Variants in STAB2 observed in about 807,000 individuals in gnomAD.
The protein encoded by STAB2 is stabilin 2, also known as stabilin-2.
Under a neutral mutation model 338.1 loss-of-function variants are expected in STAB2, and 288 were observed. That is an observed-to-expected ratio of 0.85 (90% confidence interval 0.77 to 0.94). The LOEUF is 0.94. Ranked by LOEUF, STAB2 falls within the 40% of genes least tolerant of loss-of-function variation. The pLI, the probability that STAB2 is intolerant of heterozygous loss-of-function variation, is 0.00. For missense variants in STAB2, 3,141 were observed against 3,210.1 expected, an observed-to-expected ratio of 0.98 and a Z score of 0.52; for synonymous variants, 1,202 against 1,193.3, an observed-to-expected ratio of 1.01 and a Z score of -0.15.
intron 3 of STAB2, among the ~76,000 whole-genome samples, chr12:103,612,169 T>C (rs1190481524): frequency 1.3e-5 from 2 of 152,194 alleles, no homozygotes; most frequent in Non-Finnish European, 2.9e-5. Flanking sequence ...TGTCTTGGAG[T>C]TGCTCTTCTT....
chr12:103,617,707 T>C lies in STAB2; in HGVS notation c.332-2761T>C, dbSNP rs536021541. On this transcript the variant is annotated intron_variant, in intron 3 of 68. Transcript: ENST00000388887. ...TTTTCGAATACTTATGAATATTAGCTACCCATCAGTATTTCTCCCCCTTCC... is the reference window on the plus strand; with the variant it reads ...TTTTCGAATACTTATGAATATTAGCCACCCATCAGTATTTCTCCCCCTTCC... Among the ~76,000 whole-genome samples the C allele has an allele frequency of 2.6e-5, 4 of 152,336 alleles. No individual in the cohort carries two copies. The South Asian group carries it at 8.3e-4, about 32-fold the overall frequency.
At chr12:103,653,567 G>A (rs1303355929) in intron 12 of STAB2, among the ~76,000 whole-genome samples, 1 of 151,278 alleles carries the variant, frequency 6.6e-6, no homozygotes, top group Non-Finnish European at 1.5e-5. Context: ...TACATGGATA[G>A]GTCACTGGAT....
In STAB2 at chr12:103,653,501, G is replaced by T. The variant is rs112118821; in HGVS notation, c.1407+796G>T. On this transcript the variant is annotated intron_variant, in intron 12 of 68. Transcript: ENST00000388887. ...CAAAGTCCACATTCTTAACCAATCT[G>T]CTGCAGTGCATGTGTGAAGATGGAT... Among the ~76,000 whole-genome samples, 982 of 152,304 alleles carry T rather than the reference G, an allele frequency of 6.4e-3. 7 individuals are homozygous for T. Among genetic ancestry groups the T allele is most frequent in the African/African-American group, 0.022 (928 of 41,546 alleles).
Position 103,587,407 on chromosome 12 carries a change from T to C in STAB2, c.-70T>C. ...TGAGAAAGAATTCACTGGGAGTTTATCAAACTAAGTTAAAATAGCTAAGTC... is the reference window on the plus strand; with the variant it reads ...TGAGAAAGAATTCACTGGGAGTTTACCAAACTAAGTTAAAATAGCTAAGTC... On this transcript the variant is annotated 5_prime_UTR_variant, in exon 1 of 69. Transcript: ENST00000388887. 7.9e-7 allele frequency: 1 copy of C among 1,261,036 alleles called. No individual in the cohort carries two copies. Among genetic ancestry groups the C allele is most frequent in the Non-Finnish European group, 1.1e-6 (1 of 880,870 alleles). The allele number at this position is 1,261,036 out of a possible 1,614,324, so 78.1% of individuals were successfully genotyped here.
intron 34 of STAB2, among the ~76,000 whole-genome samples, chr12:103,701,324 A>G (rs973307108): frequency 1.3e-5 from 2 of 152,120 alleles, no homozygotes; most frequent in African/African-American, 4.8e-5. Context: ...ACGTGTGCAT[A>G]TGTCTTTAGA....
chr12:103,764,890 G>A (rs1884809257), intron 68 of STAB2, among the ~76,000 whole-genome samples: 1 of 151,934 alleles, frequency 6.6e-6, no homozygotes, highest in African/African-American at 2.4e-5. Context: ...CTGAGGTCAA[G>A]AGTTCAAGAC....
chr12:103,727,264 C>A lies in STAB2; in HGVS notation c.4852-3C>A. 1 of 1,614,236 alleles carries A rather than the reference C, an allele frequency of 6.2e-7. No homozygotes were observed. The highest frequency in any genetic ancestry group is 8.5e-7 in the Non-Finnish European group (1 of 1,180,028). On this transcript the variant is annotated splice_region_variant and splice_polypyrimidine_tract_variant and intron_variant, in intron 46 of 68. Coordinates refer to ENST00000388887, the MANE Select transcript of STAB2 (RefSeq NM_017564.10). ...TGTGTGAGCCTCACCTTTCTTCCCACAGGAGCATTTCGTGAAAGATCTGGT... is the reference window on the plus strand; with the variant it reads ...TGTGTGAGCCTCACCTTTCTTCCCAAAGGAGCATTTCGTGAAAGATCTGGT...
At chr12:103,720,389 T>C (rs1046608073) in intron 44 of STAB2, among the ~76,000 whole-genome samples, 2 of 152,140 alleles carry the variant, frequency 1.3e-5, no homozygotes, top group South Asian at 4.1e-4. Flanking sequence ...GGGAATAATA[T>C]CAACAGGAAG....
intron 15 of STAB2, among the ~76,000 whole-genome samples, chr12:103,658,412 A>G (rs1874354047): frequency 6.6e-6 from 1 of 152,204 alleles, no homozygotes. Context: ...TCTCAGCCAG[A>G]TAAGACACAG....
chr12:103,599,053 C>G (rs1565952013), intron 3 of STAB2, among the ~76,000 whole-genome samples: 1 of 152,200 alleles, frequency 6.6e-6, no homozygotes, highest in African/African-American at 2.4e-5. Context: ...CAGGGACTGT[C>G]TCACTGCAGA....
intron 56 of STAB2, among the ~76,000 whole-genome samples, chr12:103,744,492 G>C (rs896375258): frequency 1.5e-5 from 2 of 137,736 alleles, no homozygotes; most frequent in African/African-American, 2.8e-5. Flanking sequence ...TTTAAGACAG[G>C]GTCTCACTCT....
At chr12:103,621,783 G>A (rs1327383200) in intron 4 of STAB2, among the ~76,000 whole-genome samples, 1 of 152,202 alleles carries the variant, frequency 6.6e-6, no homozygotes, top group Non-Finnish European at 1.5e-5. Flanking sequence ...TTGGGATATG[G>A]CTGCTAGCAC....
chr12:103,652,834 G>A (rs935803936), intron 12 of STAB2, 129 bp downstream of exon 12: 10 of 1,074,808 alleles, frequency 9.3e-6, no homozygotes, highest in Non-Finnish European at 1.3e-5. Flanking sequence ...TGTATTATTT[G>A]TCAAACACCT....
intron 38 of STAB2, 101 bp downstream of exon 38, chr12:103,707,088 G>C: frequency 7.4e-7 from 1 of 1,349,624 alleles, no homozygotes; most frequent in Non-Finnish European, 1.0e-6. Context: ...CTGGCCTGTC[G>C]CCCCAAGTGG....
At chr12:103,684,606 G>A (rs2138876340) in intron 26 of STAB2, among the ~76,000 whole-genome samples, 1 of 152,232 alleles carries the variant, frequency 6.6e-6, no homozygotes, top group South Asian at 2.1e-4. Context: ...ATAAAATGCA[G>A]GATACCCAAT....
In STAB2 at chr12:103,652,634, G is replaced by A. The variant is rs147690870; in HGVS notation, c.1336G>A (p.Glu446Lys). The stretch of plus-strand genomic sequence containing the variant: ...CATAATTGCTGGTCAGATGAACATC[G>A]AATATATGAATAACACAGACATGTT... ...LHIIAGQMNI[E>K]YMNNTDMFYT... The change falls in exon 12 of 69, where the codon GAA becomes AAA. Residue 446 changes from glutamate to lysine, a missense_variant. By Grantham distance (56) the Glu-to-Lys change is moderately conservative. Coordinates refer to ENST00000388887, the MANE Select transcript of STAB2 (RefSeq NM_017564.10). 16 of 1,609,890 alleles carry A rather than the reference G, an allele frequency of 9.9e-6. No individual in the cohort carries two copies. The highest frequency in any genetic ancestry group is 4.5e-5 in the East Asian group (2 of 44,812).
At position 103,666,333 on chromosome 12, in the gene STAB2, C is replaced by G. The variant is rs1030976854; in HGVS notation, c.2065C>G (p.Pro689Ala). 3.1e-6 allele frequency: 5 copies of G among 1,614,070 alleles called. No homozygotes were observed. Among genetic ancestry groups the G allele is most frequent in the Non-Finnish European group, 4.2e-6 (5 of 1,180,040 alleles). Residue 689 changes from proline to alanine, a missense_variant, in exon 19 of 69, where the codon CCT becomes GCT. By Grantham distance (27) the Pro-to-Ala change is conservative. Transcript: ENST00000388887. The part of the protein sequence containing the change: ...SCSLVYWSRC[P>A]ANSEPTALFT... The stretch of plus-strand genomic sequence containing the variant: ...TTCTCTGGTGTACTGGAGCAGATGT[C>G]CTGCTAACTCTGAGCCCACAGTGAG...
intron 33 of STAB2, among the ~76,000 whole-genome samples, chr12:103,698,419 G>T (rs996864726): frequency 6.6e-6 from 1 of 152,096 alleles, no homozygotes; most frequent in Admixed American, 6.5e-5. Context: ...AGGGTAAGAA[G>T]GTTAAGAGGG....
At chr12:103,735,604 G>A (rs1882052302) in intron 52 of STAB2, 24 bp downstream of exon 52, 12 of 967,600 alleles carry the variant, frequency 1.2e-5, no homozygotes, top group Non-Finnish European at 1.6e-5. Flanking sequence ...TGAAGGGTGG[G>A]CAGGGAGGGG....
Sources: gnomAD v4.1 joint callset for allele counts (sites outside exome capture counted in the v4.1 genomes callset) on GRCh38, gnomAD v4.1.1 for gene constraint, MANE v1.5 for transcripts, NCBI Gene and HGNC (gene_info 2026-07-23, HGNC 2026-07-21) for gene names.